The following CAMK1D variants were observed in gnomAD, a reference collection of about 807,000 sequenced individuals.
The protein encoded by CAMK1D is calcium/calmodulin dependent protein kinase ID.
A neutral mutation model predicts 47.7 loss-of-function variants in CAMK1D; 9 were observed. The observed-to-expected ratio is 0.19, with a 90% confidence interval of 0.11 to 0.33. The LOEUF is 0.33. CAMK1D is among the 10% of genes least tolerant of loss of function. CAMK1D has a pLI of 1.00. For missense variants in CAMK1D, 291 were observed against 488.7 expected, an observed-to-expected ratio of 0.60 and a Z score of 3.81; for synonymous variants, 184 against 184.9, an observed-to-expected ratio of 0.99 and a Z score of 0.04.
intron 2 of CAMK1D, among the ~76,000 whole-genome samples, chr10:12,632,514 C>T (rs1382093842): frequency 6.6e-6 from 1 of 152,196 alleles, no homozygotes; most frequent in Non-Finnish European, 1.5e-5. Context: ...TATGACCTTT[C>T]AGCATCATTG....
At chr10:12,688,250 T>C (rs1049398553) in intron 3 of CAMK1D, among the ~76,000 whole-genome samples, 1 of 152,224 alleles carries the variant, frequency 6.6e-6, no homozygotes, top group Non-Finnish European at 1.5e-5. Flanking sequence ...GGTGAACACG[T>C]GGCTTATGGT....
At chr10:12,659,950 G>T (rs1356929876) in intron 2 of CAMK1D, among the ~76,000 whole-genome samples, 1 of 152,136 alleles carries the variant, frequency 6.6e-6, no homozygotes, top group African/African-American at 2.4e-5. Context: ...CTTTCTCCTT[G>T]CACATTGCAG....
intron 1 of CAMK1D, among the ~76,000 whole-genome samples, chr10:12,411,623 A>T (rs959555530): frequency 4.5e-5 from 6 of 131,984 alleles, no homozygotes; most frequent in African/African-American, 1.7e-4. Flanking sequence ...TTTGAGATGG[A>T]GTTTTGCTCC....
At chr10:12,362,996 A>G (rs1189269195) in intron 1 of CAMK1D, among the ~76,000 whole-genome samples, 4 of 137,076 alleles carry the variant, frequency 2.9e-5, no homozygotes, top group Non-Finnish European at 6.1e-5. Context: ...GCTAGAGTGC[A>G]GTGGTGCGAT....
intron 1 of CAMK1D, among the ~76,000 whole-genome samples, chr10:12,406,940 A>G (rs1839453039): frequency 6.6e-6 from 1 of 152,038 alleles, no homozygotes; most frequent in Non-Finnish European, 1.5e-5. Flanking sequence ...GGGTGACGTC[A>G]CTGCTTCACA....
chr10:12,609,288 A>G (rs1178589980), intron 2 of CAMK1D, among the ~76,000 whole-genome samples: 3 of 151,908 alleles, frequency 2.0e-5, no homozygotes, highest in Non-Finnish European at 2.9e-5. Context: ...TCGCTCCCCA[A>G]TCTTTTGGGC....
intron 1 of CAMK1D, among the ~76,000 whole-genome samples, chr10:12,393,606 A>G (rs1838825973): frequency 6.6e-6 from 1 of 152,148 alleles, no homozygotes; most frequent in South Asian, 2.1e-4. Flanking sequence ...GCTTTGGGAG[A>G]CACTCCCTGT....
chr10:12,591,191 C>T (rs925328395), intron 2 of CAMK1D, among the ~76,000 whole-genome samples: 3 of 152,124 alleles, frequency 2.0e-5, no homozygotes, highest in Non-Finnish European at 4.4e-5. Flanking sequence ...GGGCAATGGC[C>T]AGATCTTATA....
At chr10:12,408,603 G>A (rs1839533606) in intron 1 of CAMK1D, among the ~76,000 whole-genome samples, 1 of 152,168 alleles carries the variant, frequency 6.6e-6, no homozygotes, top group African/African-American at 2.4e-5. Flanking sequence ...TCTTTCCAGT[G>A]CACGTTGTGT....
chr10:12,525,140 C>T (rs1006457277), intron 1 of CAMK1D, among the ~76,000 whole-genome samples: 14 of 152,096 alleles, frequency 9.2e-5, no homozygotes, highest in African/African-American at 2.7e-4. Context: ...TGATTTTCTC[C>T]GGCTAGTCTC....
At chr10:12,618,127 A>G (rs1321653971) in intron 2 of CAMK1D, among the ~76,000 whole-genome samples, 3 of 152,168 alleles carry the variant, frequency 2.0e-5, no homozygotes, top group African/African-American at 7.2e-5. Flanking sequence ...TTAGCAGCCG[A>G]TTCAGGGCTC....
At chr10:12,457,057 A>G (rs1447709590) in intron 1 of CAMK1D, among the ~76,000 whole-genome samples, 1 of 152,168 alleles carries the variant, frequency 6.6e-6, no homozygotes, top group Non-Finnish European at 1.5e-5. Context: ...GTGTGTATCG[A>G]CAGTGGAACG....
chr10:12,681,947 C>T (rs10906205), intron 3 of CAMK1D, among the ~76,000 whole-genome samples: 33,708 of 152,164 alleles, frequency 0.22, 4,596 homozygotes, highest in East Asian at 0.33. Flanking sequence ...TGGCTGGGTG[C>T]GGTGGCTCAC....
intron 3 of CAMK1D, among the ~76,000 whole-genome samples, chr10:12,713,309 A>G (rs143965497): frequency 2.6e-5 from 4 of 152,338 alleles, no homozygotes; most frequent in African/African-American, 9.6e-5. Flanking sequence ...ATGATAGGCA[A>G]CTTGTGGACG....
intron 2 of CAMK1D, among the ~76,000 whole-genome samples, chr10:12,594,117 A>G (rs901615996): frequency 4.6e-5 from 7 of 152,314 alleles, no homozygotes; most frequent in African/African-American, 9.6e-5. Context: ...CTGAGGTTGC[A>G]GTGAGCCGAG....
chr10:12,376,110 C>G (rs1179797074), intron 1 of CAMK1D, among the ~76,000 whole-genome samples: 5 of 131,532 alleles, frequency 3.8e-5, no homozygotes, highest in African/African-American at 1.5e-4. Context: ...TTGCAGTCAG[C>G]TGACATCATA....
At chr10:12,792,561 C>A (rs1044100615) in intron 6 of CAMK1D, among the ~76,000 whole-genome samples, 2 of 152,216 alleles carry the variant, frequency 1.3e-5, no homozygotes, top group African/African-American at 4.8e-5. Context: ...TCCTCTTCTC[C>A]TCCAGGAATG....
At chr10:12,542,564 T>C (rs1836230526) in intron 1 of CAMK1D, among the ~76,000 whole-genome samples, 1 of 152,212 alleles carries the variant, frequency 6.6e-6, no homozygotes. Flanking sequence ...AAATCCCTGA[T>C]TCTTGTTAAA....
chr10:12,462,270 A>G (rs1050548320), intron 1 of CAMK1D, among the ~76,000 whole-genome samples: 9 of 147,310 alleles, frequency 6.1e-5, no homozygotes, highest in African/African-American at 2.0e-4. Context: ...GGTTCAAGCA[A>G]TTCTCCTGCC....
Sources: gnomAD v4.1 joint callset for allele counts (sites outside exome capture counted in the v4.1 genomes callset) on GRCh38, gnomAD v4.1.1 for gene constraint, MANE v1.5 for transcripts, NCBI Gene and HGNC (gene_info 2026-07-23, HGNC 2026-07-21) for gene names.